The following SNX9 variants were observed in gnomAD, a reference collection of about 807,000 sequenced individuals.
SNX9 encodes sorting nexin 9.
A neutral mutation model predicts 89.4 loss-of-function variants in SNX9; 44 were observed. That is an observed-to-expected ratio of 0.49 (90% confidence interval 0.39 to 0.63). SNX9 has a LOEUF of 0.63. Ranked by LOEUF, SNX9 falls within the 30% of genes least tolerant of loss-of-function variation. The probability of loss-of-function intolerance (pLI) is 0.00; values close to 1 mark genes in which losing one functional copy is unlikely to be tolerated. For synonymous variants in SNX9, 236 were observed against 247.8 expected (o/e 0.95, Z 0.45); for missense variants, 578 against 736.1 (o/e 0.79, Z 2.49).
intron 1 of SNX9, among the ~76,000 whole-genome samples, chr6:157,854,999 C>A (rs77597026): frequency 4.0e-5 from 6 of 150,972 alleles, no homozygotes; most frequent in South Asian, 2.1e-4. Context: ...GGCAAAAAAA[C>A]CCCACTGAAA....
At chr6:157,907,822 C>T (rs983865868) in intron 7 of SNX9, among the ~76,000 whole-genome samples, 3 of 152,246 alleles carry the variant, frequency 2.0e-5, no homozygotes, top group African/African-American at 7.2e-5. Flanking sequence ...TAACCTTGCC[C>T]ACTCATGAAA....
At chr6:157,833,422 G>A (rs989731524) in intron 1 of SNX9, among the ~76,000 whole-genome samples, 1 of 151,822 alleles carries the variant, frequency 6.6e-6, no homozygotes, top group African/African-American at 2.4e-5. Flanking sequence ...ACATAGTAAG[G>A]GCACTTCAAT....
chr6:157,931,626 A>G (rs1374448025), intron 12 of SNX9, among the ~76,000 whole-genome samples: 2 of 152,236 alleles, frequency 1.3e-5, no homozygotes, highest in African/African-American at 4.8e-5. Flanking sequence ...TTCCCTGGTC[A>G]TGCGAAGTCT....
At chr6:157,941,760 G>C (rs1784040703) in intron 17 of SNX9, among the ~76,000 whole-genome samples, 1 of 152,196 alleles carries the variant, frequency 6.6e-6, no homozygotes, top group African/African-American at 2.4e-5. Flanking sequence ...CCAGCAGCCA[G>C]TTCTTAAAGG....
chr6:157,904,544 G>A (rs560244898), intron 6 of SNX9, among the ~76,000 whole-genome samples: 1 of 152,042 alleles, frequency 6.6e-6, no homozygotes, highest in South Asian at 2.1e-4. Context: ...TTACAAGCTG[G>A]TCAAGGAGTT....
At chr6:157,835,993 A>G (rs1025530631) in intron 1 of SNX9, among the ~76,000 whole-genome samples, 3 of 152,112 alleles carry the variant, frequency 2.0e-5, no homozygotes, top group African/African-American at 7.2e-5. Flanking sequence ...CCGTGGCGTG[A>G]TCTGGGCTCA....
At chr6:157,825,848 AGTT>A (rs769040285) in intron 1 of SNX9, among the ~76,000 whole-genome samples, 1 of 152,034 alleles carries the variant, frequency 6.6e-6, no homozygotes, top group Non-Finnish European at 1.5e-5. Flanking sequence ...ACACCTGAGT[AGTT>A]GTGTTTTTTC....
rs552395041 is a variant in SNX9 at position 157,840,914 on chromosome 6, G to A, written c.12+17468G>A. Reference sequence around the variant, plus strand: ...GCTGTTACCGTTATGCTGTTCACTCGACTGGTGGCCACATAGACATAAGCA... The same window carrying A: ...GCTGTTACCGTTATGCTGTTCACTCAACTGGTGGCCACATAGACATAAGCA... On this transcript the variant is annotated intron_variant, in intron 1 of 17. Transcript: ENST00000392185. 7.9e-5 allele frequency among the ~76,000 whole-genome samples: 12 copies of A among 152,126 alleles called. No homozygotes were observed. In the East Asian group the frequency reaches 1.2e-3, roughly 15 times the overall value.
intron 4 of SNX9, among the ~76,000 whole-genome samples, chr6:157,879,164 C>T (rs1782577460): frequency 6.6e-6 from 1 of 152,192 alleles, no homozygotes. Flanking sequence ...CTGAGTTCCT[C>T]CTGCAGATCT....
At chr6:157,832,878 T>C (rs1349266154) in intron 1 of SNX9, among the ~76,000 whole-genome samples, 1 of 152,218 alleles carries the variant, frequency 6.6e-6, no homozygotes, top group Admixed American at 6.5e-5. Context: ...ACTTAGTACT[T>C]TGAGTGAGTT....
chr6:157,869,919 T>C lies in SNX9; in HGVS notation c.99+2286T>C, dbSNP rs540655189. ...CATGCGCACACACCTCGCACCCTCA[T>C]ACACCTCTCATGCTCTCATACACTT... On this transcript the variant is annotated intron_variant, in intron 2 of 17. Coordinates refer to ENST00000392185, the MANE Select transcript of SNX9 (RefSeq NM_016224.5). Among the ~76,000 whole-genome samples, 42 of 152,006 alleles carry C rather than the reference T, an allele frequency of 2.8e-4. 1 individual carries two copies. In the South Asian group the frequency reaches 8.5e-3, roughly 31 times the overall value.
At chr6:157,843,723 T>C (rs1460163796) in intron 1 of SNX9, among the ~76,000 whole-genome samples, 2 of 152,206 alleles carry the variant, frequency 1.3e-5, no homozygotes, top group East Asian at 3.8e-4. Context: ...CTGATTGCAG[T>C]GCTAAGTGAT....
At chr6:157,850,907 C>T (rs1320454593) in intron 1 of SNX9, among the ~76,000 whole-genome samples, 1 of 152,148 alleles carries the variant, frequency 6.6e-6, no homozygotes, top group African/African-American at 2.4e-5. Flanking sequence ...AGTTAGGATA[C>T]CATTCTGGTT....
chr6:157,826,785 A>ATT (rs1416010864), intron 1 of SNX9, among the ~76,000 whole-genome samples: 3,442 of 98,634 alleles, frequency 0.035, 455 homozygotes, highest in African/African-American at 0.074. Context: ...AATATATTAT[A>ATT]TTATATATAT....
At chr6:157,867,672 GGAC>G in intron 2 of SNX9, 39 bp downstream of exon 2, 3 of 1,456,982 alleles carry the variant, frequency 2.1e-6, no homozygotes, top group South Asian at 2.6e-5. Flanking sequence ...TGTCCCATGT[GGAC>G]TTATTTTTAA....
At position 157,844,954 on chromosome 6, in the gene SNX9, T is replaced by G. The variant is rs1781776799; in HGVS notation, c.12+21508T>G. 2.0e-5 allele frequency among the ~76,000 whole-genome samples: 3 copies of G among 152,138 alleles called. No homozygotes were observed. The South Asian group carries it at 6.2e-4, about 31-fold the overall frequency. ...ATAAATTCCCAAAGTTCGTTCAGCC[T>G]GCGTCCAGGAGTGAACAAGGACAGC... On this transcript the variant is annotated intron_variant, in intron 1 of 17. Transcript: ENST00000392185.
chr6:157,914,894 C>A (rs1647222531), intron 9 of SNX9, among the ~76,000 whole-genome samples: 1 of 152,068 alleles, frequency 6.6e-6, no homozygotes, highest in Non-Finnish European at 1.5e-5. Flanking sequence ...AAGAGCAGTT[C>A]ACAACATTTT....
At chr6:157,857,370 A>G (rs928410269) in intron 1 of SNX9, among the ~76,000 whole-genome samples, 4 of 152,176 alleles carry the variant, frequency 2.6e-5, no homozygotes, top group Non-Finnish European at 4.4e-5. Context: ...CCTGGAGTCA[A>G]CTATTTCTCT....
At chr6:157,852,177 G>T (rs1221176170) in intron 1 of SNX9, among the ~76,000 whole-genome samples, 1 of 152,156 alleles carries the variant, frequency 6.6e-6, no homozygotes, top group African/African-American at 2.4e-5. Context: ...TGGAGGAACT[G>T]CCAAACTGTT....
Sources: gnomAD v4.1 joint callset for allele counts (sites outside exome capture counted in the v4.1 genomes callset) on GRCh38, gnomAD v4.1.1 for gene constraint, MANE v1.5 for transcripts, NCBI Gene and HGNC (gene_info 2026-07-23, HGNC 2026-07-21) for gene names.